EBF1: variants seen among roughly 807,000 people sequenced by gnomAD.
EBF1 encodes transcription factor COE1.
A neutral mutation model predicts 68.4 loss-of-function variants in EBF1; 10 were observed. That is an observed-to-expected ratio of 0.15 (90% CI 0.09 to 0.25). The LOEUF (loss-of-function observed/expected upper bound fraction) is 0.25, where lower values mean the gene tolerates loss of function less well. Ranked by LOEUF, EBF1 falls within the 10% of genes least tolerant of loss-of-function variation. The pLI, the probability that EBF1 is intolerant of heterozygous loss-of-function variation, is 1.00. For synonymous variants in EBF1, 298 were observed against 299.8 expected (o/e 0.99, Z 0.06); for missense variants, 509 against 794.4 (o/e 0.64, Z 4.32).
At chr5:158,766,656 A>T (rs1161555711) in intron 10 of EBF1, among the ~76,000 whole-genome samples, 1 of 152,194 alleles carries the variant, frequency 6.6e-6, no homozygotes. Flanking sequence ...TTCTAAAAAA[A>T]GACAAGATAT....
intron 6 of EBF1, among the ~76,000 whole-genome samples, chr5:158,946,120 G>A (rs1814624344): frequency 6.6e-6 from 1 of 152,060 alleles, no homozygotes; most frequent in African/African-American, 2.4e-5. Flanking sequence ...CTTGCATTGG[G>A]TTAGAACATG....
At chr5:158,806,419 G>C (rs1043687554) in intron 8 of EBF1, among the ~76,000 whole-genome samples, 14 of 152,102 alleles carry the variant, frequency 9.2e-5, no homozygotes, top group African/African-American at 3.4e-4. Flanking sequence ...TTGGCCCTAA[G>C]AAGAGAGGAT....
At chr5:158,992,257 A>G (rs536712426) in intron 6 of EBF1, among the ~76,000 whole-genome samples, 2 of 152,152 alleles carry the variant, frequency 1.3e-5, no homozygotes, top group Non-Finnish European at 2.9e-5. Context: ...TTTTACCTAA[A>G]TGCAAGTCAC....
intron 6 of EBF1, among the ~76,000 whole-genome samples, chr5:158,902,698 C>T (rs1036570424): frequency 2.0e-5 from 3 of 151,808 alleles, no homozygotes; most frequent in Non-Finnish European, 2.9e-5. Flanking sequence ...TCAAGGGATC[C>T]TCCCATATCA....
At chr5:158,793,581 A>C (rs1389471759) in intron 9 of EBF1, among the ~76,000 whole-genome samples, 1 of 152,140 alleles carries the variant, frequency 6.6e-6, no homozygotes, top group Non-Finnish European at 1.5e-5. Flanking sequence ...TTATAAAAAA[A>C]ATATGGTATA....
chr5:158,800,636 C>G (rs982906535), intron 8 of EBF1, among the ~76,000 whole-genome samples: 1 of 152,158 alleles, frequency 6.6e-6, no homozygotes, highest in Non-Finnish European at 1.5e-5. Context: ...GCCTCCCCTT[C>G]TCTCCTCATT....
chr5:158,952,425 T>C (rs1182052795), intron 6 of EBF1, among the ~76,000 whole-genome samples: 1 of 151,860 alleles, frequency 6.6e-6, no homozygotes, highest in African/African-American at 2.4e-5. Context: ...AAAAAGGACT[T>C]TTTTTTTGTC....
intron 6 of EBF1, among the ~76,000 whole-genome samples, chr5:158,993,305 C>T (rs1760755003): frequency 6.6e-6 from 1 of 152,112 alleles, no homozygotes; most frequent in African/African-American, 2.4e-5. Context: ...ACCTCAGCCT[C>T]CCAAAGTGCT....
chr5:158,716,705 T>G (rs1760787333), intron 11 of EBF1, among the ~76,000 whole-genome samples: 1 of 152,192 alleles, frequency 6.6e-6, no homozygotes, highest in Non-Finnish European at 1.5e-5. Context: ...TGCTTGGATT[T>G]CGGTGACCAG....
chr5:158,758,731 A>G (rs1415546807), intron 10 of EBF1, among the ~76,000 whole-genome samples: 1 of 152,172 alleles, frequency 6.6e-6, no homozygotes. Flanking sequence ...AACTGAGATG[A>G]CGTGACATCA....
At chr5:158,912,906 A>G (rs1051139914) in intron 6 of EBF1, among the ~76,000 whole-genome samples, 1 of 152,204 alleles carries the variant, frequency 6.6e-6, no homozygotes, top group East Asian at 1.9e-4. Context: ...CGCAAAGGCA[A>G]TTCCTGAGAT....
Position 159,073,319 on chromosome 5 carries a change from C to T in EBF1, c.554+77G>A, listed in dbSNP as rs191067106. 63 of 1,475,284 alleles carry T rather than the reference C, an allele frequency of 4.3e-5. No homozygotes were observed. The East Asian group carries it at 7.7e-4, about 18-fold the overall frequency. 91.4% of individuals were successfully genotyped at this position (1,475,284 alleles called of 1,614,324 possible). A position where few individuals can be genotyped will look rare whatever the true frequency, so the allele number is the denominator to read the frequency against. On this transcript the variant is annotated intron_variant, in intron 6 of 15. Coordinates refer to ENST00000313708, the MANE Select transcript of EBF1 (RefSeq NM_024007.5). ...TTCAGCCACATGCATTCCTAACCCTCGCCCATGAGCAACACAAGGGCAGGT... is the reference window on the plus strand; with the variant it reads ...TTCAGCCACATGCATTCCTAACCCTTGCCCATGAGCAACACAAGGGCAGGT...
chr5:158,722,050 G>C (rs1762041559), intron 11 of EBF1, among the ~76,000 whole-genome samples: 1 of 152,118 alleles, frequency 6.6e-6, no homozygotes, highest in South Asian at 2.1e-4. Flanking sequence ...TGGAGGTACA[G>C]AGCTGAACTT....
At chr5:158,883,363 CACAT>C (rs1799314576) in intron 6 of EBF1, among the ~76,000 whole-genome samples, 1 of 150,022 alleles carries the variant, frequency 6.7e-6, no homozygotes, top group African/African-American at 2.5e-5. Context: ...TATATATATA[CACAT>C]ACATACATGT....
chr5:158,705,360 T>C (rs1437075889), intron 15 of EBF1, among the ~76,000 whole-genome samples: 2 of 152,202 alleles, frequency 1.3e-5, no homozygotes, highest in Non-Finnish European at 2.9e-5. Flanking sequence ...CTCCTTGACA[T>C]TTGTTCAATC....
intron 6 of EBF1, among the ~76,000 whole-genome samples, chr5:159,003,138 TTCTG>T (rs1470142462): frequency 2.6e-5 from 4 of 152,174 alleles, no homozygotes; most frequent in Admixed American, 6.5e-5. Context: ...ATCTTTATCT[TTCTG>T]TCTGTTTGAA....
At position 158,708,083 on chromosome 5, in the gene EBF1, T is replaced by C. The variant is rs1758294524; in HGVS notation, c.1640A>G (p.Asn547Ser). 3 of 1,576,554 alleles carry C rather than the reference T, an allele frequency of 1.9e-6. No individual in the cohort carries two copies. Among genetic ancestry groups the C allele is most frequent in the Admixed American group, 3.7e-5 (2 of 54,726 alleles). Residue 547 changes from asparagine (N) to serine (S), a missense_variant, in exon 15 of 16, where the codon AAC (asparagine) becomes AGC (serine). Coordinates refer to ENST00000313708, the MANE Select transcript of EBF1 (RefSeq NM_024007.5). ...SSGIFSFSPA[N>S]MVSAVKQKSA... ...CTTCTGTTTCACGGCTGAGACCATG[T>C]TGGCTGGTGAGAAGGAGAAGATGCC...
intron 6 of EBF1, among the ~76,000 whole-genome samples, chr5:158,865,865 T>C (rs1439266446): frequency 1.3e-5 from 2 of 152,222 alleles, no homozygotes; most frequent in Admixed American, 1.3e-4. Context: ...ACTTAAAGAA[T>C]GTCTGCAGAT....
chr5:158,984,703 T>TTTTTTTTTTTTTTTTTTTTTTTTG (rs1758662580), intron 6 of EBF1: 1 of 148,894 alleles, frequency 6.7e-6, no homozygotes. Flanking sequence ...TTTTTTTTTT[T>TTTTTTTTTTTTTTTTTTTTTTTTG]TGAGATGGAG....
Sources: gnomAD v4.1 joint callset for allele counts (sites outside exome capture counted in the v4.1 genomes callset) on GRCh38, gnomAD v4.1.1 for gene constraint, MANE v1.5 for transcripts, NCBI Gene and HGNC (gene_info 2026-07-23, HGNC 2026-07-21) for gene names.